Variants in SDCCAG8 observed in about 807,000 individuals in gnomAD.
SDCCAG8 encodes the protein SHH signaling and ciliogenesis regulator SDCCAG8, also known as serologically defined colon cancer antigen 8.
A neutral mutation model predicts 101.8 loss-of-function variants in SDCCAG8; 74 were observed. The ratio of observed to expected loss-of-function variants is 0.73; its 90% CI spans 0.60 to 0.88. SDCCAG8 has a LOEUF of 0.88. SDCCAG8 is among the 40% of genes least tolerant of loss of function. The pLI is 0.00. For synonymous variants in SDCCAG8, 281 were observed against 292.9 expected (o/e 0.96, Z 0.41); for missense variants, 787 against 822.6 (o/e 0.96, Z 0.53).
chr1:243,398,570 C>A (rs2079167341), intron 13 of SDCCAG8, among the ~76,000 whole-genome samples: 1 of 151,930 alleles, frequency 6.6e-6, no homozygotes, highest in Non-Finnish European at 1.5e-5. Flanking sequence ...TTGGAGTATC[C>A]TTGCTTTGAT....
chr1:243,331,615 T>C (rs562593499), intron 10 of SDCCAG8, among the ~76,000 whole-genome samples: 1 of 152,326 alleles, frequency 6.6e-6, no homozygotes, highest in South Asian at 2.1e-4. Context: ...TTTTTAAAAA[T>C]TGTGTCTGTC....
At chr1:243,368,302 G>T (rs1167247973) in intron 12 of SDCCAG8, among the ~76,000 whole-genome samples, 7 of 151,788 alleles carry the variant, frequency 4.6e-5, no homozygotes, top group Non-Finnish European at 1.0e-4. Context: ...CATAACATTT[G>T]GGTGGTCATA....
chr1:243,296,540 T>TTTTTTTTTTG, intron 6 of SDCCAG8, among the ~76,000 whole-genome samples: 1 of 118,532 alleles, frequency 8.4e-6, no homozygotes, highest in Admixed American at 8.8e-5. Context: ...CTGCTCTTTT[T>TTTTTTTTTTG]TTTTTTTTTT....
rs191476568 is a variant in SDCCAG8 at position 243,475,556 on chromosome 1, G to T, written c.1986-13458G>T. Among the ~76,000 whole-genome samples, 4 of 152,224 alleles carry T rather than the reference G, an allele frequency of 2.6e-5. No individual in the cohort carries two copies. The East Asian group carries it at 7.8e-4, about 30-fold the overall frequency. ...CTGGGGAGAGACAAACCCCTCGTCC[G>T]CTCTCAGATCATCCTCAGAGATCCT... On this transcript the variant is annotated intron_variant, in intron 16 of 17. Coordinates refer to ENST00000366541, the MANE Select transcript of SDCCAG8 (RefSeq NM_006642.5).
At position 243,499,940 on chromosome 1, in the gene SDCCAG8, C is replaced by T. The variant is rs561213869; in HGVS notation, c.*155C>T. On this transcript the variant is annotated 3_prime_UTR_variant, in exon 18 of 18. Transcript: ENST00000366541. ...TCCTCATCAACGCGGGCGCTGTCCC[C>T]GCACGCAGTCGGGCTGGAGCTGGAG... 2.1e-5 allele frequency: 15 copies of T among 704,872 alleles called. No individual in the cohort carries two copies. The highest frequency in any genetic ancestry group is 1.2e-4 in the South Asian group (8 of 64,936). 43.7% of individuals were successfully genotyped at this position (704,872 alleles called of 1,614,324 possible).
At chr1:243,487,304 C>T (rs952537999) in intron 16 of SDCCAG8, among the ~76,000 whole-genome samples, 2 of 152,212 alleles carry the variant, frequency 1.3e-5, no homozygotes, top group African/African-American at 2.4e-5. Context: ...CTTCTGTGAT[C>T]CACTGGGTGG....
At chr1:243,426,295 C>A in intron 15 of SDCCAG8, 132 bp from the exon 16 acceptor site, 2 of 786,376 alleles carry the variant, frequency 2.5e-6, no homozygotes, top group Non-Finnish European at 4.2e-6. Flanking sequence ...TTTTCTTTTG[C>A]AAAGGATGTA....
intron 8 of SDCCAG8, among the ~76,000 whole-genome samples, chr1:243,309,184 C>G (rs930288008): frequency 6.6e-6 from 1 of 152,094 alleles, no homozygotes; most frequent in East Asian, 1.9e-4. Context: ...AGCCTGTGAC[C>G]AGAAGTACTG....
At position 243,499,818 on chromosome 1, in the gene SDCCAG8, C is replaced by CAAAG; in HGVS notation, c.*35_*38dup. 3 of 1,602,982 alleles carry CAAAG rather than the reference C, an allele frequency of 1.9e-6. No homozygotes were observed. Among genetic ancestry groups the CAAAG allele is most frequent in the Non-Finnish European group, 1.7e-6 (2 of 1,170,834 alleles). ...GGAACAGAGTGAAATAAATGATTTA[C>CAAAG]AAAGAGATATTTACATTCATCTGGT... is the stretch of plus-strand genomic sequence containing the variant. On this transcript the variant is annotated 3_prime_UTR_variant, in exon 18 of 18. Transcript: ENST00000366541.
At chr1:243,393,709 A>G (rs529568767) in intron 13 of SDCCAG8, among the ~76,000 whole-genome samples, 2 of 152,328 alleles carry the variant, frequency 1.3e-5, no homozygotes, top group African/African-American at 4.8e-5. Context: ...CACTTTATAC[A>G]TTTTATGCAT....
At position 243,461,886 on chromosome 1, in the gene SDCCAG8, T is replaced by C. The variant is rs527943364; in HGVS notation, c.1986-27128T>C. On this transcript the variant is annotated intron_variant, in intron 16 of 17. Transcript: ENST00000366541. ...CACACATATTTACTGCTTGTTCCCA[T>C]GTGCAAAGGTCTTTTCCGAGCCCAA... Among the ~76,000 whole-genome samples, 295 of 152,282 alleles carry C rather than the reference T, an allele frequency of 1.9e-3. 3 individuals are homozygous for C. The highest frequency in any genetic ancestry group is 6.9e-3 in the African/African-American group (287 of 41,552).
At chr1:243,480,171 G>A (rs559479205) in intron 16 of SDCCAG8, among the ~76,000 whole-genome samples, 3 of 150,578 alleles carry the variant, frequency 2.0e-5, no homozygotes, top group Non-Finnish European at 4.4e-5. Flanking sequence ...TAGCTGTTGC[G>A]GGGAGTATGG....
chr1:243,464,854 G>T (rs997412151), intron 16 of SDCCAG8, among the ~76,000 whole-genome samples: 1 of 152,210 alleles, frequency 6.6e-6, no homozygotes, highest in Non-Finnish European at 1.5e-5. Context: ...AGGATACCTA[G>T]ATTGAAAGCT....
chr1:243,399,810 C>T (rs984184948), intron 13 of SDCCAG8, among the ~76,000 whole-genome samples: 1 of 152,110 alleles, frequency 6.6e-6, no homozygotes, highest in African/African-American at 2.4e-5. Flanking sequence ...GCACTCAGCC[C>T]GTTTCTTGGA....
chr1:243,319,545 G>GT (rs2073570589), intron 9 of SDCCAG8, among the ~76,000 whole-genome samples: 2 of 151,634 alleles, frequency 1.3e-5, no homozygotes, highest in Admixed American at 6.6e-5. Flanking sequence ...GGCTAATTTT[G>GT]TTTTTTTAGT....
chr1:243,437,778 T>C (rs540889625), intron 16 of SDCCAG8, among the ~76,000 whole-genome samples: 3 of 152,278 alleles, frequency 2.0e-5, no homozygotes, highest in African/African-American at 7.2e-5. Context: ...GACCTCGTGA[T>C]CCGCCCGCCT....
intron 9 of SDCCAG8, among the ~76,000 whole-genome samples, chr1:243,327,645 G>A (rs912540061): frequency 6.6e-6 from 1 of 151,920 alleles, no homozygotes; most frequent in Admixed American, 6.6e-5. Context: ...GTACTCAATC[G>A]ACAGGGATTC....
intron 15 of SDCCAG8, among the ~76,000 whole-genome samples, chr1:243,421,194 T>C (rs1357418047): frequency 6.6e-6 from 1 of 152,248 alleles, no homozygotes; most frequent in East Asian, 1.9e-4. Flanking sequence ...AAGACATATT[T>C]TTCCTTCCTC....
At chr1:243,417,891 C>T in intron 14 of SDCCAG8, 77 bp from the exon 15 acceptor site, 1 of 1,035,418 alleles carries the variant, frequency 9.7e-7, no homozygotes, top group East Asian at 2.4e-5. Context: ...AAGCACTTTA[C>T]CACTCTATGT....
Sources: allele counts gnomAD v4.1 joint callset (sites outside exome capture counted in the v4.1 genomes callset), GRCh38; gene constraint gnomAD v4.1.1; transcripts MANE v1.5; gene names NCBI Gene and HGNC (gene_info 2026-07-23, HGNC 2026-07-21).